Variants in LIG1 observed in about 807,000 individuals in gnomAD.
The protein encoded by LIG1 is DNA ligase 1, also known as ligase I, DNA, ATP-dependent.
LIG1 carries 70 observed loss-of-function variants against 115.7 expected under a neutral mutation model. The observed-to-expected ratio is 0.60, with a 90% CI of 0.50 to 0.74. The LOEUF (loss-of-function observed/expected upper bound fraction) is 0.74. Ranked by LOEUF, LIG1 falls within the 30% of genes least tolerant of loss-of-function variation. The pLI, the probability that LIG1 is intolerant of heterozygous loss-of-function variation, is 0.00. For missense variants in LIG1, 1,115 were observed against 1,225.6 expected, an observed-to-expected ratio of 0.91 and a Z score of 1.35; for synonymous variants, 487 against 495.3, an observed-to-expected ratio of 0.98 and a Z score of 0.22.
chr19:48,135,684 A>T lies in LIG1; in HGVS notation c.1519T>A (p.Phe507Ile), dbSNP rs2034334164. 9 of 1,613,700 alleles carry T rather than the reference A, an allele frequency of 5.6e-6. No homozygotes were observed. Among genetic ancestry groups the T allele is most frequent in the Non-Finnish European group, 7.6e-6 (9 of 1,179,678 alleles). The change falls in exon 16 of 28, where the codon TTC becomes ATC. Residue 507 changes from phenylalanine (F) to isoleucine (I), a missense_variant. Coordinates refer to ENST00000263274, the MANE Select transcript of LIG1 (RefSeq NM_000234.3). ...CACCCACTGCCCAGCTCTCACCAGA[A>T]CGTCTGCTTCAGGATCATGCCTTGC... ...EEQGMILKQTFCEVPDLDRII... is the reference protein window; with the variant it reads ...EEQGMILKQTICEVPDLDRII...
At chr19:48,170,183 G>C in intron 1 of LIG1, 58 bp downstream of exon 1, 1 of 454,974 alleles carries the variant, frequency 2.2e-6, no homozygotes, top group East Asian at 7.0e-5. Context: ...TAGGCCCCAA[G>C]CATTCGGCGC....
chr19:48,124,425 C>G (rs778004402), intron 21 of LIG1, among the ~76,000 whole-genome samples: 18 of 152,152 alleles, frequency 1.2e-4, no homozygotes, highest in Non-Finnish European at 1.6e-4. Flanking sequence ...GCAGCAATAC[C>G]TACTCAGGGC....
intron 6 of LIG1, among the ~76,000 whole-genome samples, chr19:48,152,237 C>T (rs963552162): frequency 6.6e-6 from 1 of 152,168 alleles, no homozygotes; most frequent in South Asian, 2.1e-4. Context: ...ATTCTCATGC[C>T]TCAGCCTCCT....
At chr19:48,127,393 C>T (rs550890891) in intron 20 of LIG1, 45 bp from the exon 21 acceptor site, 13 of 1,543,932 alleles carry the variant, frequency 8.4e-6, no homozygotes, top group Admixed American at 5.0e-5. Flanking sequence ...GAAGGTGAGA[C>T]GGGGCACTGT....
chr19:48,117,918 A>G lies in LIG1; in HGVS notation c.2440-137T>C. The G allele has an allele frequency of 4.7e-6, 4 of 852,608 alleles. No homozygotes were observed. In the South Asian group the frequency reaches 5.9e-5, roughly 12 times the overall value. The allele number at this position is 852,608 out of a possible 1,614,324, so 52.8% of individuals were successfully genotyped here. A position where few individuals can be genotyped will look rare whatever the true frequency, so the allele number is the denominator to read the frequency against. ...AGTAAACAGAAATAGGAAGTGAAAT[A>G]AGGGAAAAGAAACAAGACACCCCCT... On this transcript the variant is annotated intron_variant, in intron 25 of 27. Coordinates refer to ENST00000263274, the MANE Select transcript of LIG1 (RefSeq NM_000234.3).
At chr19:48,121,730 G>A (rs1178680727) in intron 23 of LIG1, among the ~76,000 whole-genome samples, 1 of 152,230 alleles carries the variant, frequency 6.6e-6, no homozygotes, top group East Asian at 1.9e-4. Flanking sequence ...GAACCCGGGA[G>A]GCGGAGGTTG....
At chr19:48,146,339 T>C (rs1053917189) in intron 9 of LIG1, among the ~76,000 whole-genome samples, 8 of 152,170 alleles carry the variant, frequency 5.3e-5, no homozygotes, top group Non-Finnish European at 8.8e-5. Context: ...TAAAGGGGTT[T>C]GGAATAATCC....
At chr19:48,126,048 G>A (rs2122449463) in intron 21 of LIG1, among the ~76,000 whole-genome samples, 1 of 149,964 alleles carries the variant, frequency 6.7e-6, no homozygotes, top group Non-Finnish European at 1.5e-5. Flanking sequence ...TTTTTTTTGA[G>A]AGCTTCCATG....
intron 9 of LIG1, among the ~76,000 whole-genome samples, chr19:48,148,036 T>C (rs141381112): frequency 1.3e-5 from 2 of 150,986 alleles, no homozygotes; most frequent in African/African-American, 2.4e-5. Flanking sequence ...ACTCAAGTGC[T>C]GGGGACACGC....
At chr19:48,151,749 G>A (rs2035490046) in intron 6 of LIG1, among the ~76,000 whole-genome samples, 1 of 152,064 alleles carries the variant, frequency 6.6e-6, no homozygotes, top group Non-Finnish European at 1.5e-5. Context: ...AAAGCAGTGG[G>A]CCACGTAAGA....
At chr19:48,135,147 G>A (rs76951669) in intron 16 of LIG1, among the ~76,000 whole-genome samples, 1,629 of 152,244 alleles carry the variant, frequency 0.011, 29 homozygotes, top group African/African-American at 0.036. Flanking sequence ...TGCTGTCAGC[G>A]TCTTTCTTTT....
At chr19:48,139,878 C>T (rs996609338) in intron 12 of LIG1, 93 bp downstream of exon 12, 5 of 1,428,286 alleles carry the variant, frequency 3.5e-6, no homozygotes, top group Non-Finnish European at 4.9e-6. Flanking sequence ...GTTTCACAGC[C>T]TCTCTCCACC....
At chr19:48,147,645 T>TAA (rs11353435) in intron 9 of LIG1, among the ~76,000 whole-genome samples, 1 of 148,926 alleles carries the variant, frequency 6.7e-6, no homozygotes, top group Admixed American at 6.7e-5. Flanking sequence ...ACCCTGTCTT[T>TAA]AAAAAAAAAA....
At chr19:48,155,139 C>T (rs2035755323) in intron 5 of LIG1, among the ~76,000 whole-genome samples, 1 of 152,170 alleles carries the variant, frequency 6.6e-6, no homozygotes, top group South Asian at 2.1e-4. Flanking sequence ...CCCTCAGCCA[C>T]ACTGTGACTT....
At chr19:48,126,083 CT>C (rs1479233343) in intron 21 of LIG1, among the ~76,000 whole-genome samples, 2 of 152,176 alleles carry the variant, frequency 1.3e-5, no homozygotes, top group African/African-American at 4.8e-5. Flanking sequence ...TTCCACACCC[CT>C]ATCCCACTGT....
intron 12 of LIG1, among the ~76,000 whole-genome samples, chr19:48,138,543 T>C (rs1199259222): frequency 6.6e-6 from 1 of 152,156 alleles, no homozygotes; most frequent in Non-Finnish European, 1.5e-5. Flanking sequence ...TGGGATGTTA[T>C]CGAATCACAC....
chr19:48,124,007 G>GT (rs1267448370), intron 21 of LIG1, among the ~76,000 whole-genome samples: 1 of 152,204 alleles, frequency 6.6e-6, no homozygotes, highest in African/African-American at 2.4e-5. Context: ...TGATCTGAGT[G>GT]TTTTTAAACA....
intron 21 of LIG1, among the ~76,000 whole-genome samples, chr19:48,125,065 T>C (rs1811527132): frequency 6.6e-6 from 1 of 150,658 alleles, no homozygotes; most frequent in Non-Finnish European, 1.5e-5. Context: ...AAAAAAATGA[T>C]ATACTTGACT....
chr19:48,155,685 A>G (rs1257117536), intron 5 of LIG1, among the ~76,000 whole-genome samples: 1 of 152,190 alleles, frequency 6.6e-6, no homozygotes, highest in Non-Finnish European at 1.5e-5. Flanking sequence ...ATTTTGCTCA[A>G]TACATCTAAA....
Sources: gnomAD v4.1 joint callset for allele counts (sites outside exome capture counted in the v4.1 genomes callset) on GRCh38, gnomAD v4.1.1 for gene constraint, MANE v1.5 for transcripts, NCBI Gene and HGNC (gene_info 2026-07-23, HGNC 2026-07-21) for gene names.